The following ADK variants were observed in gnomAD, a reference collection of about 807,000 sequenced individuals.
ADK encodes the protein adenosine kinase.
ADK carries 24 observed loss-of-function variants against 44.7 expected under a neutral mutation model. The observed-to-expected ratio is 0.54, with a 90% CI of 0.39 to 0.76. ADK has a LOEUF of 0.76. Ranked by LOEUF, ADK falls within the 30% of genes least tolerant of loss-of-function variation. The pLI, the probability that ADK is intolerant of heterozygous loss-of-function variation, is 0.00. For missense variants in ADK, 321 were observed against 425.1 expected, an observed-to-expected ratio of 0.76 and a Z score of 2.15; for synonymous variants, 128 against 142.6, an observed-to-expected ratio of 0.90 and a Z score of 0.73.
intron 6 of ADK, among the ~76,000 whole-genome samples, chr10:74,501,404 C>T (rs1847880791): frequency 6.6e-6 from 1 of 152,092 alleles, no homozygotes; most frequent in Admixed American, 6.5e-5. Context: ...TCCACTAAAA[C>T]CTCAATTATT....
intron 6 of ADK, among the ~76,000 whole-genome samples, chr10:74,473,008 G>A (rs1258133400): frequency 6.6e-6 from 1 of 151,554 alleles, no homozygotes; most frequent in African/African-American, 2.4e-5. Flanking sequence ...TCATTTTTTT[G>A]AGATAGGGTC....
intron 10 of ADK, among the ~76,000 whole-genome samples, chr10:74,698,652 G>A (rs536583914): frequency 2.0e-5 from 3 of 152,052 alleles, no homozygotes; most frequent in East Asian, 3.9e-4. Context: ...TCCCAGGCTT[G>A]GGTGATCCTC....
At chr10:74,570,236 A>G (rs1460053870) in intron 7 of ADK, among the ~76,000 whole-genome samples, 1 of 152,092 alleles carries the variant, frequency 6.6e-6, no homozygotes, top group Non-Finnish European at 1.5e-5. Context: ...CTTTTGGCTT[A>G]GGATTGACTT....
chr10:74,348,399 A>G (rs1194280240), intron 4 of ADK, among the ~76,000 whole-genome samples: 4 of 152,158 alleles, frequency 2.6e-5, no homozygotes, highest in Admixed American at 2.6e-4. Flanking sequence ...ACATCAACAA[A>G]AAGGACCCCC....
chr10:74,315,288 T>C (rs928947169), intron 4 of ADK, among the ~76,000 whole-genome samples: 16 of 152,176 alleles, frequency 1.1e-4, no homozygotes, highest in African/African-American at 3.6e-4. Flanking sequence ...TGTACATTCA[T>C]ATATTCATAC....
intron 10 of ADK, among the ~76,000 whole-genome samples, chr10:74,680,575 C>A (rs1855568807): frequency 6.6e-6 from 1 of 151,436 alleles, no homozygotes. Flanking sequence ...TTAGTGTAAT[C>A]TTTAAATAAA....
chr10:74,499,037 T>C (rs58014437), intron 6 of ADK, among the ~76,000 whole-genome samples: 4,528 of 152,210 alleles, frequency 0.03, 196 homozygotes, highest in African/African-American at 0.091. Flanking sequence ...CTCTTTACCC[T>C]GACATGTATT....
chr10:74,532,234 A>G (rs1327677034), intron 7 of ADK, among the ~76,000 whole-genome samples: 1 of 152,202 alleles, frequency 6.6e-6, no homozygotes, highest in African/African-American at 2.4e-5. Flanking sequence ...ATGGTGGCTC[A>G]TGCCTGCAAT....
intron 1 of ADK, chr10:74,176,480 C>G (rs187533397): frequency 8.7e-7 from 1 of 1,149,974 alleles, no homozygotes; most frequent in East Asian, 5.4e-5. Context: ...AAACCGGTTG[C>G]CAGAGGCGCG....
chr10:74,517,269 ATCT>A (rs1385009574), intron 6 of ADK, among the ~76,000 whole-genome samples: 1 of 152,118 alleles, frequency 6.6e-6, no homozygotes, highest in Non-Finnish European at 1.5e-5. Context: ...CTTAAAGCCC[ATCT>A]TCTTTCTACT....
intron 1 of ADK, among the ~76,000 whole-genome samples, chr10:74,164,756 A>G (rs1267658762): frequency 6.6e-6 from 1 of 152,060 alleles, no homozygotes; most frequent in East Asian, 1.9e-4. Flanking sequence ...TTTCCCCCAT[A>G]TTTGTGTAGC....
chr10:74,305,669 A>G (rs1036305350), intron 3 of ADK, among the ~76,000 whole-genome samples: 1 of 152,060 alleles, frequency 6.6e-6, no homozygotes, highest in Non-Finnish European at 1.5e-5. Flanking sequence ...GAATCTGTTA[A>G]GAGTATGTCA....
Position 74,443,400 on chromosome 10 carries a change from T to A in ADK, c.555+44821T>A, listed in dbSNP as rs143221779. On this transcript the variant is annotated intron_variant, in intron 6 of 10. Coordinates refer to ENST00000539909, the MANE Select transcript of ADK (RefSeq NM_006721.4). The stretch of plus-strand genomic sequence containing the variant: ...AAGTACTTTCATCCATGCTGCAACA[T>A]AGATAAACCTTTAAAACATTGTGCT... 5.9e-3 allele frequency among the ~76,000 whole-genome samples: 901 copies of A among 152,254 alleles called. 5 individuals carry two copies. The highest frequency in any genetic ancestry group is 0.01 in the Middle Eastern group (3 of 294).
At chr10:74,541,799 C>CCA (rs889727486) in intron 7 of ADK, among the ~76,000 whole-genome samples, 2 of 132,728 alleles carry the variant, frequency 1.5e-5, no homozygotes, top group Non-Finnish European at 3.3e-5. Flanking sequence ...CACACACCCC[C>CCA]CCCCCCTAAA....
intron 10 of ADK, among the ~76,000 whole-genome samples, chr10:74,688,774 G>C (rs1392372960): frequency 6.6e-6 from 1 of 152,146 alleles, no homozygotes; most frequent in Non-Finnish European, 1.5e-5. Flanking sequence ...AAATTAGCCA[G>C]ACCTGGTGGC....
At chr10:74,657,492 CTT>C (rs1854530135) in intron 9 of ADK, among the ~76,000 whole-genome samples, 1 of 152,118 alleles carries the variant, frequency 6.6e-6, no homozygotes, top group Admixed American at 6.5e-5. Flanking sequence ...CAACTAGAAA[CTT>C]GAGTTTATTT....
At chr10:74,574,662 G>T (rs1851122418) in intron 7 of ADK, among the ~76,000 whole-genome samples, 2 of 152,144 alleles carry the variant, frequency 1.3e-5, no homozygotes, top group Admixed American at 1.3e-4. Flanking sequence ...TATTGGAAAT[G>T]AAACAATACC....
chr10:74,165,525 T>C (rs997370782), intron 1 of ADK, among the ~76,000 whole-genome samples: 2 of 151,506 alleles, frequency 1.3e-5, no homozygotes, highest in Non-Finnish European at 1.5e-5. Context: ...TTGAAGAAAA[T>C]GTCAAGTACT....
chr10:74,340,146 T>A (rs1005927883), intron 4 of ADK, among the ~76,000 whole-genome samples: 1 of 152,208 alleles, frequency 6.6e-6, no homozygotes, highest in African/African-American at 2.4e-5. Flanking sequence ...TAAATTGGTT[T>A]TAGTTTGATT....
Sources: gnomAD v4.1 joint callset for allele counts (sites outside exome capture counted in the v4.1 genomes callset) on GRCh38, gnomAD v4.1.1 for gene constraint, MANE v1.5 for transcripts, NCBI Gene and HGNC (gene_info 2026-07-23, HGNC 2026-07-21) for gene names.